The following MAPK4 variants were observed in gnomAD, a reference collection of about 807,000 sequenced individuals.
MAPK4 encodes the protein mitogen-activated protein kinase 4, also known as Erk3-related.
A neutral mutation model predicts 47.7 loss-of-function variants in MAPK4; 22 were observed. The ratio of observed to expected loss-of-function variants is 0.46; its 90% CI spans 0.33 to 0.66. MAPK4 has a LOEUF of 0.66. MAPK4 is among the 30% of genes least tolerant of loss of function. The probability of loss-of-function intolerance (pLI) is 0.02; values close to 1 mark genes in which losing one functional copy is unlikely to be tolerated. For synonymous variants in MAPK4, 390 were observed against 365.7 expected (o/e 1.07, Z -0.76); for missense variants, 736 against 831.7 (o/e 0.88, Z 1.42).
chr18:50,625,733 T>G (rs183979347), intron 1 of MAPK4, among the ~76,000 whole-genome samples: 12 of 151,996 alleles, frequency 7.9e-5, no homozygotes, highest in Admixed American at 7.2e-4. Context: ...CATTGGGAGA[T>G]CCTCATAGAA....
At chr18:50,649,108 C>T (rs2043020743) in intron 1 of MAPK4, among the ~76,000 whole-genome samples, 1 of 152,188 alleles carries the variant, frequency 6.6e-6, no homozygotes, top group African/African-American at 2.4e-5. Flanking sequence ...TGGGGGTAGG[C>T]CCTGGGTGCC....
chr18:50,682,387 ATAT>A (rs1908636968), intron 2 of MAPK4, among the ~76,000 whole-genome samples: 1 of 152,202 alleles, frequency 6.6e-6, no homozygotes, highest in Admixed American at 6.5e-5. Context: ...GAAATAAATA[ATAT>A]CAATTCTACA....
At chr18:50,617,605 C>T (rs556625040) in intron 1 of MAPK4, among the ~76,000 whole-genome samples, 2 of 152,256 alleles carry the variant, frequency 1.3e-5, no homozygotes, top group African/African-American at 4.8e-5. Flanking sequence ...TTGTACCGAC[C>T]TGTAGGATCC....
intron 2 of MAPK4, chr18:50,670,342 G>A (rs1476547042): frequency 6.6e-6 from 1 of 152,258 alleles, no homozygotes; most frequent in African/African-American, 2.4e-5. Flanking sequence ...AAGCAAGTCT[G>A]TTTCCTGCGG....
intron 4 of MAPK4, among the ~76,000 whole-genome samples, chr18:50,723,166 G>T (rs1224438933): frequency 6.6e-6 from 1 of 152,176 alleles, no homozygotes; most frequent in Non-Finnish European, 1.5e-5. Flanking sequence ...GGCAGGGGAG[G>T]ATGAGTGGCT....
At chr18:50,636,349 G>A (rs1235299951) in intron 1 of MAPK4, among the ~76,000 whole-genome samples, 1 of 152,204 alleles carries the variant, frequency 6.6e-6, no homozygotes, top group African/African-American at 2.4e-5. Context: ...AAGAGGGCAG[G>A]GGCTATGTCT....
At chr18:50,621,506 G>A (rs1025688) in intron 1 of MAPK4, among the ~76,000 whole-genome samples, 53,594 of 151,900 alleles carry the variant, frequency 0.35, 9,672 homozygotes, top group Middle Eastern at 0.39. Flanking sequence ...TTGGTGAGAT[G>A]AAAAGTCACA....
At chr18:50,606,465 G>A (rs1362202658) in intron 1 of MAPK4, among the ~76,000 whole-genome samples, 5 of 152,192 alleles carry the variant, frequency 3.3e-5, no homozygotes, top group African/African-American at 7.2e-5. Context: ...ATCTAGAAAA[G>A]TAATGCAAAA....
At chr18:50,635,462 A>G (rs1034265285) in intron 1 of MAPK4, among the ~76,000 whole-genome samples, 4 of 152,222 alleles carry the variant, frequency 2.6e-5, no homozygotes, top group African/African-American at 4.8e-5. Context: ...TCAAGATACT[A>G]TCATCAATCC....
chr18:50,660,507 T>C lies in MAPK4; in HGVS notation c.-870-2582T>C, dbSNP rs192886383. Among the ~76,000 whole-genome samples the C allele has an allele frequency of 3.3e-3, 499 of 152,346 alleles. 2 individuals carry two copies. Among genetic ancestry groups the C allele is most frequent in the African/African-American group, 0.01 (424 of 41,578 alleles). Reference sequence around the variant, plus strand: ...TCCAGTCAACGGATATTTTCTATGCTCTACTTTGTGCCCTGTAAGCTACTT... The same window carrying C: ...TCCAGTCAACGGATATTTTCTATGCCCTACTTTGTGCCCTGTAAGCTACTT... On this transcript the variant is annotated intron_variant, in intron 1 of 5. Coordinates refer to ENST00000400384, the MANE Select transcript of MAPK4 (RefSeq NM_002747.4).
At chr18:50,683,760 G>A (rs931175445) in intron 2 of MAPK4, among the ~76,000 whole-genome samples, 2 of 152,100 alleles carry the variant, frequency 1.3e-5, no homozygotes, top group African/African-American at 2.4e-5. Flanking sequence ...CAGCCCCAGA[G>A]GAGAAGTTTC....
At chr18:50,621,898 C>A (rs980220022) in intron 1 of MAPK4, among the ~76,000 whole-genome samples, 3 of 152,252 alleles carry the variant, frequency 2.0e-5, no homozygotes, top group African/African-American at 7.2e-5. Context: ...ATGTGCTGCC[C>A]ATCACCATCG....
intron 2 of MAPK4, among the ~76,000 whole-genome samples, chr18:50,677,968 C>G (rs1464405951): frequency 1.3e-5 from 2 of 152,096 alleles, no homozygotes; most frequent in South Asian, 2.1e-4. Flanking sequence ...TCCATGCCCC[C>G]GGGAAATAGG....
chr18:50,709,123 T>C (rs373270946), intron 2 of MAPK4, among the ~76,000 whole-genome samples: 1 of 152,116 alleles, frequency 6.6e-6, no homozygotes, highest in Non-Finnish European at 1.5e-5. Context: ...ACCCCTTCCA[T>C]GTCCTCCAGA....
At chr18:50,602,386 T>C (rs1278483471) in intron 1 of MAPK4, among the ~76,000 whole-genome samples, 1 of 152,244 alleles carries the variant, frequency 6.6e-6, no homozygotes, top group Non-Finnish European at 1.5e-5. Context: ...CTTCTAAGCC[T>C]TTGCTTTTGG....
chr18:50,693,189 G>A (rs1458711503), intron 2 of MAPK4, among the ~76,000 whole-genome samples: 2 of 152,092 alleles, frequency 1.3e-5, no homozygotes, highest in Non-Finnish European at 2.9e-5. Context: ...AACCTGGGAG[G>A]TGGAGGTTGC....
intron 2 of MAPK4, among the ~76,000 whole-genome samples, chr18:50,702,161 C>CAAAAA (rs36001271): frequency 4.5e-4 from 43 of 95,870 alleles, no homozygotes; most frequent in Admixed American, 1.3e-3. Flanking sequence ...GATTCTGTCT[C>CAAAAA]AAAAAAAAAA....
rs762462142 is a variant in MAPK4 at position 50,729,248 on chromosome 18, G to T, written c.1158G>T (p.Ser386=). ...SEVQRDPRAG[S]APLAEDVQVD... ...TACAGCGCGACCCGCGCGCGGGTTCGGCGCCACTGGCTGAGGACGTGCAGG... is the reference window on the plus strand; with the variant it reads ...TACAGCGCGACCCGCGCGCGGGTTCTGCGCCACTGGCTGAGGACGTGCAGG... Residue 386 remains serine (S), a synonymous_variant, in exon 6 of 6, where the codon TCG becomes TCT. Transcript: ENST00000400384. The T allele has an allele frequency of 6.2e-7, 1 of 1,608,548 alleles. No homozygotes were observed. The highest frequency in any genetic ancestry group is 1.1e-5 in the South Asian group (1 of 90,952).
intron 1 of MAPK4, among the ~76,000 whole-genome samples, chr18:50,626,545 A>G (rs1163326428): frequency 6.6e-6 from 1 of 152,146 alleles, no homozygotes; most frequent in Non-Finnish European, 1.5e-5. Flanking sequence ...GGGTTCATCA[A>G]GGTGTCACAT....
Sources: allele counts gnomAD v4.1 joint callset (sites outside exome capture counted in the v4.1 genomes callset), GRCh38; gene constraint gnomAD v4.1.1; transcripts MANE v1.5; gene names NCBI Gene and HGNC (gene_info 2026-07-23, HGNC 2026-07-21).